Variants in MDM4 observed in about 807,000 individuals in gnomAD.
MDM4 encodes MDM4 regulator of p53.
Under a neutral mutation model 60.2 loss-of-function variants are expected in MDM4, and 2 were observed. The observed-to-expected ratio is 0.03, with a 90% CI of 0.01 to 0.10. The LOEUF (loss-of-function observed/expected upper bound fraction) is 0.10. MDM4 is among the 10% of genes least tolerant of loss of function. The probability of loss-of-function intolerance (pLI) is 1.00; values close to 1 mark genes in which losing one functional copy is unlikely to be tolerated. For synonymous variants in MDM4, 202 were observed against 198.1 expected (o/e 1.02, Z -0.17); for missense variants, 447 against 577.5 (o/e 0.77, Z 2.32).
intron 1 of MDM4, 101 bp from the exon 2 acceptor site, chr1:204,525,383 G>A: frequency 6.9e-7 from 1 of 1,442,174 alleles, no homozygotes; most frequent in Non-Finnish European, 9.0e-7. Context: ...CATTATATGT[G>A]TCATATGTGT....
At chr1:204,535,631 T>G (rs575119621) in intron 5 of MDM4, among the ~76,000 whole-genome samples, 8 of 151,630 alleles carry the variant, frequency 5.3e-5, no homozygotes, top group Non-Finnish European at 1.2e-4. Context: ...CCTCCTGGGT[T>G]CAGGTGATCT....
intron 1 of MDM4, among the ~76,000 whole-genome samples, chr1:204,523,658 T>C (rs1331778307): frequency 2.6e-5 from 4 of 151,634 alleles, no homozygotes; most frequent in Non-Finnish European, 5.9e-5. Context: ...TTGTTGTATT[T>C]TTAGTAGAGA....
In MDM4 at chr1:204,551,108, TCA is replaced by T. The variant is rs1663160631; in HGVS notation, c.*1429_*1430del. 5.3e-6 allele frequency: 1 copy of T among 189,696 alleles called. No individual in the cohort carries two copies. The highest frequency in any genetic ancestry group is 2.3e-5 in the African/African-American group (1 of 42,940). The allele number at this position is 189,696 out of a possible 1,614,324, so 11.8% of individuals were successfully genotyped here. On this transcript the variant is annotated 3_prime_UTR_variant, in exon 11 of 11. Coordinates refer to ENST00000367182, the MANE Select transcript of MDM4 (RefSeq NM_002393.5). ...CCCAGGCTGGAGTGCACTGGCACAA[TCA>T]CAGTTCACTGCAGCCTCGACCTCCC...
Position 204,552,037 on chromosome 1 carries a change from A to G in MDM4, c.*2355A>G, listed in dbSNP as rs1326143036. ...CGTAGTGGCTCACGCCTGTAATCCC[A>G]ACACTTTGGGAGATCACCTAGGTCG... is the stretch of plus-strand genomic sequence containing the variant. On this transcript the variant is annotated 3_prime_UTR_variant, in exon 11 of 11. Transcript: ENST00000367182. 5.8e-6 allele frequency: 1 copy of G among 171,154 alleles called. No individual in the cohort carries two copies. The highest frequency in any genetic ancestry group is 6.4e-5 in the Admixed American group (1 of 15,654). The allele number at this position is 171,154 out of a possible 1,614,324, so 10.6% of individuals were successfully genotyped here.
intron 1 of MDM4, among the ~76,000 whole-genome samples, chr1:204,522,539 A>G (rs1243158062): frequency 6.6e-6 from 1 of 151,850 alleles, no homozygotes; most frequent in Admixed American, 6.6e-5. Flanking sequence ...TTGGGACTAC[A>G]GGCGTGTGCC....
chr1:204,523,473 A>AATT (rs1659780835), intron 1 of MDM4, among the ~76,000 whole-genome samples: 27 of 58,956 alleles, frequency 4.6e-4, no homozygotes, highest in South Asian at 2.7e-3. Context: ...CCTAAAAAAA[A>AATT]TTTTTTTTTT....
chr1:204,523,539 A>G (rs796322620), intron 1 of MDM4, among the ~76,000 whole-genome samples: 17 of 114,870 alleles, frequency 1.5e-4, no homozygotes, highest in African/African-American at 5.3e-4. Context: ...GCTGGAGTGC[A>G]GTGGCACAGT....
At chr1:204,548,614 T>C (rs1662896844) in intron 10 of MDM4, among the ~76,000 whole-genome samples, 1 of 152,236 alleles carries the variant, frequency 6.6e-6, no homozygotes, top group African/African-American at 2.4e-5. Context: ...CAGTTACACC[T>C]ATAATTCTGG....
Position 204,537,506 on chromosome 1 carries a change from A to G in MDM4, c.411+9A>G. 6.2e-7 allele frequency: 1 copy of G among 1,605,762 alleles called. No homozygotes were observed. Among genetic ancestry groups the G allele is most frequent in the Non-Finnish European group, 8.5e-7 (1 of 1,172,294 alleles). ...GTCAAGACCAACTGAAGGTAAAATCACCACACGGTGACTTCTTTTGTTGTA... is the reference window on the plus strand; with the variant it reads ...GTCAAGACCAACTGAAGGTAAAATCGCCACACGGTGACTTCTTTTGTTGTA... On this transcript the variant is annotated intron_variant, in intron 6 of 10. Transcript: ENST00000367182.
rs759570763 is a variant in MDM4, at chr1:204,537,465, A to G, written c.379A>G (p.Ser127Gly). 1.2e-6 allele frequency: 2 copies of G among 1,613,966 alleles called. No individual in the cohort carries two copies. The highest frequency in any genetic ancestry group is 1.1e-5 in the South Asian group (1 of 91,076). The part of the protein sequence containing the change: ...AQTLALAQDH[S>G]MDIPSQDQLK... The stretch of plus-strand genomic sequence containing the variant: ...GACTCTCGCTCTCGCACAGGATCAC[A>G]GTATGGATATTCCAAGTCAAGACCA... The change falls in exon 6 of 11, where the codon AGT becomes GGT. Residue 127 changes from serine (S) to glycine (G), a missense_variant. Ser to Gly is a moderately conservative substitution (Grantham distance 56). Transcript: ENST00000367182.
chr1:204,519,127 C>T (rs1027384806), intron 1 of MDM4, among the ~76,000 whole-genome samples: 6 of 152,136 alleles, frequency 3.9e-5, no homozygotes, highest in Non-Finnish European at 5.9e-5. Flanking sequence ...GCTCAAGATA[C>T]GACTAAACAG....
At position 204,544,704 on chromosome 1, in the gene MDM4, C is replaced by G; in HGVS notation, c.822+20C>G. 6.3e-7 allele frequency: 1 copy of G among 1,599,566 alleles called. No homozygotes were observed. The highest frequency in any genetic ancestry group is 1.1e-5 in the South Asian group (1 of 90,112). ...AAAAAGGTATGTTGTGGAAAAATTC[C>G]ATGTTGATTCTGTTTGTGTGCTCAT... is the stretch of plus-strand genomic sequence containing the variant. On this transcript the variant is annotated intron_variant, in intron 9 of 10. Coordinates refer to ENST00000367182, the MANE Select transcript of MDM4 (RefSeq NM_002393.5).
At chr1:204,529,338 T>C in intron 3 of MDM4, 2 of 794,252 alleles carry the variant, frequency 2.5e-6, no homozygotes, top group Non-Finnish European at 4.5e-6. Flanking sequence ...GAACCAGGAG[T>C]AGGCCTCATC....
chr1:204,543,034 G>T, intron 8 of MDM4, 90 bp downstream of exon 8: 2 of 1,136,580 alleles, frequency 1.8e-6, no homozygotes, highest in South Asian at 1.5e-5. Context: ...TATTCTCTAA[G>T]AATTCTTATT....
chr1:204,529,859 A>T (rs1025358821), intron 3 of MDM4, among the ~76,000 whole-genome samples: 18 of 152,114 alleles, frequency 1.2e-4, no homozygotes, highest in Non-Finnish European at 2.5e-4. Flanking sequence ...CTATTGCATA[A>T]AGGGAATTTC....
At chr1:204,530,930 A>C in intron 4 of MDM4, 113 bp downstream of exon 4, 1 of 1,377,520 alleles carries the variant, frequency 7.3e-7, no homozygotes, top group Admixed American at 1.9e-5. Context: ...GAGCCTACAT[A>C]TGTTAGGTAG....
chr1:204,528,958 A>G, intron 3 of MDM4: 4 of 1,558,326 alleles, frequency 2.6e-6, no homozygotes, highest in Non-Finnish European at 3.5e-6. Context: ...AGCTGGGTGC[A>G]CACCTGGATG....
chr1:204,530,030 C>G (rs1232314966), intron 3 of MDM4, among the ~76,000 whole-genome samples: 1 of 152,132 alleles, frequency 6.6e-6, no homozygotes, highest in Non-Finnish European at 1.5e-5. Flanking sequence ...GCGTGCCTCA[C>G]CACACCTGGC....
At chr1:204,547,826 C>G (rs748093749) in intron 10 of MDM4, among the ~76,000 whole-genome samples, 1 of 152,214 alleles carries the variant, frequency 6.6e-6, no homozygotes, top group Non-Finnish European at 1.5e-5. Context: ...CGGCTTCGAG[C>G]GATTCTCCTG....
Sources: gnomAD v4.1 joint callset for allele counts (sites outside exome capture counted in the v4.1 genomes callset) on GRCh38, gnomAD v4.1.1 for gene constraint, MANE v1.5 for transcripts, NCBI Gene and HGNC (gene_info 2026-07-23, HGNC 2026-07-21) for gene names.